RBL2: variants seen among roughly 807,000 people sequenced by gnomAD.
RBL2 encodes retinoblastoma-like protein 2.
RBL2 carries 56 observed loss-of-function variants against 126.0 expected under a neutral mutation model. The ratio of observed to expected loss-of-function variants is 0.44; its 90% CI spans 0.36 to 0.56. The LOEUF (loss-of-function observed/expected upper bound fraction) is 0.56, where lower values mean the gene tolerates loss of function less well. Ranked by LOEUF, RBL2 falls within the 20% of genes least tolerant of loss-of-function variation. The probability of loss-of-function intolerance (pLI) is 0.00; values close to 1 mark genes in which losing one functional copy is unlikely to be tolerated. For missense variants in RBL2, 1,229 were observed against 1,398.2 expected (o/e 0.88, Z 1.93); for synonymous variants, 454 against 478.5 (o/e 0.95, Z 0.67).
Position 53,470,054 on chromosome 16 carries a change from A to G in RBL2, c.2114A>G (p.Asn705Ser), listed in dbSNP as rs1049385796. 3.7e-6 allele frequency: 6 copies of G among 1,614,252 alleles called. No individual in the cohort carries two copies. Among genetic ancestry groups the G allele is most frequent in the South Asian group, 1.1e-5 (1 of 91,090 alleles). The change falls in exon 15 of 22, where the codon AAT becomes AGT. Residue 705 changes from asparagine (N) to serine (S), a missense_variant. This residue lies in a region of RBL2 where 1,070 missense variants were observed against 1,274.3 expected (regional missense o/e 0.84). Transcript: ENST00000262133. ...CGCATGCCCCCACAGCCCCTAGTCA[A>G]TGCTGTCCCTGTGCAGAATGTATCT... ...PGRMPPQPLVNAVPVQNVSGE... is the reference protein window; with the variant it reads ...PGRMPPQPLVSAVPVQNVSGE...
At chr16:53,435,265 C>A (rs1437637371) in intron 1 of RBL2, among the ~76,000 whole-genome samples, 2 of 152,122 alleles carry the variant, frequency 1.3e-5, no homozygotes. Context: ...TTTGCCCTGG[C>A]GTTGCGGGCG....
At chr16:53,487,902 G>A (rs1200079527) in intron 21 of RBL2, 1 of 152,166 alleles carries the variant, frequency 6.6e-6, no homozygotes, top group African/African-American at 2.4e-5. Flanking sequence ...CTGTTAGAAT[G>A]GCTAAAATCC....
At chr16:53,444,419 G>C (rs2058043305) in intron 3 of RBL2, among the ~76,000 whole-genome samples, 2 of 151,906 alleles carry the variant, frequency 1.3e-5, no homozygotes, top group African/African-American at 2.4e-5. Context: ...GGGGTGTGGT[G>C]GTGGGTGCCT....
intron 7 of RBL2, chr16:53,454,308 G>A (rs1242455903): frequency 4.7e-6 from 2 of 422,416 alleles, no homozygotes; most frequent in South Asian, 1.8e-5. Flanking sequence ...AGGTTCAAGC[G>A]ATTCTTCTGC....
chr16:53,451,953 G>A (rs1598098264), intron 5 of RBL2, 122 bp downstream of exon 5: 1 of 1,122,928 alleles, frequency 8.9e-7, no homozygotes, highest in Non-Finnish European at 1.2e-6. Flanking sequence ...GGCTATCCAG[G>A]GTACTTATAA....
At chr16:53,454,931 T>C (rs2058152911) in intron 8 of RBL2, 89 bp downstream of exon 8, 1 of 1,164,020 alleles carries the variant, frequency 8.6e-7, no homozygotes, top group Non-Finnish European at 1.2e-6. Context: ...GTTTGTGTTT[T>C]ACTTGCCTAC....
intron 14 of RBL2, among the ~76,000 whole-genome samples, chr16:53,467,433 G>GC (rs2058282655): frequency 6.6e-6 from 1 of 152,186 alleles, no homozygotes; most frequent in Non-Finnish European, 1.5e-5. Context: ...TGTCACTCAA[G>GC]CTGGAGTGCA....
chr16:53,480,441 A>G (rs1055169820), intron 19 of RBL2, 126 bp from the exon 20 acceptor site: 1 of 768,234 alleles, frequency 1.3e-6, no homozygotes, highest in Non-Finnish European at 2.2e-6. Context: ...TGTGAAGAAC[A>G]GAGTGCCTAT....
chr16:53,461,623 G>A, intron 9 of RBL2, 118 bp from the exon 10 acceptor site: 1 of 607,464 alleles, frequency 1.6e-6, no homozygotes, highest in Middle Eastern at 2.8e-4. Flanking sequence ...TTTGGGAAGT[G>A]TATAGTTTCT....
chr16:53,457,258 C>CCTTT (rs1555566426), intron 8 of RBL2, among the ~76,000 whole-genome samples: 5,215 of 89,794 alleles, frequency 0.058, 937 homozygotes, highest in Non-Finnish European at 0.079. Context: ...GTACAGATAG[C>CCTTT]TTTTTTTTTT....
intron 12 of RBL2, 44 bp from the exon 13 acceptor site, chr16:53,465,394 A>G (rs2058262732): frequency 1.6e-6 from 2 of 1,262,036 alleles, no homozygotes; most frequent in South Asian, 2.5e-5. Context: ...ATATTTAAAA[A>G]TATTTAATAA....
rs1429708810 is a variant in RBL2 at position 53,481,827 on chromosome 16, C to T, written c.3241C>T (p.Pro1081Ser). ...EKIFYYFSNSPSKRLREINSM... is the reference protein window; with the variant it reads ...EKIFYYFSNSSSKRLREINSM... Reference sequence around the variant, plus strand: ...GATTTTCTATTACTTCAGCAACAGTCCTTCAAAGGTGAGCCTAACATCAAT... The same window carrying T: ...GATTTTCTATTACTTCAGCAACAGTTCTTCAAAGGTGAGCCTAACATCAAT... The change falls in exon 21 of 22, where the codon CCT becomes TCT. Residue 1081 changes from proline (P) to serine (S), a missense_variant. Physicochemically the swap from Pro to Ser is moderately conservative, Grantham distance 74. Transcript: ENST00000262133. 1 of 1,579,170 alleles carries T rather than the reference C, an allele frequency of 6.3e-7. No homozygotes were observed. The highest frequency in any genetic ancestry group is 8.7e-7 in the Non-Finnish European group (1 of 1,148,486).
Position 53,490,159 on chromosome 16 carries a change from C to T in RBL2, c.3279C>T (p.Arg1093=), listed in dbSNP as rs1961359766. ...TGAGAGAAATTAATAGTATGATACG[C>T]ACAGGAGAAACTCCTACTAAAAAGA... ...KRLREINSMI[R]TGETPTKKRG... is the part of the protein sequence containing the mutation. The change falls in exon 22 of 22, where the codon CGC becomes CGT. Residue 1093 remains arginine (R), a synonymous_variant. Transcript: ENST00000262133. 3 of 1,609,226 alleles carry T rather than the reference C, an allele frequency of 1.9e-6. No individual in the cohort carries two copies. The South Asian group carries it at 3.3e-5, about 18-fold the overall frequency.
chr16:53,464,372 A>T lies in RBL2; in HGVS notation c.1698+9A>T, dbSNP rs760910067. The T allele has an allele frequency of 1.3e-6, 2 of 1,549,360 alleles. No individual in the cohort carries two copies. Among genetic ancestry groups the T allele is most frequent in the East Asian group, 2.3e-5 (1 of 44,400 alleles). ...TTTATCATTTTTATAAGGTATTTTT[A>T]AAAATATGATACTAATGGGGATATT... On this transcript the variant is annotated intron_variant, in intron 12 of 21. Transcript: ENST00000262133.
intron 18 of RBL2, chr16:53,479,673 G>A: frequency 1.9e-6 from 1 of 514,100 alleles, no homozygotes; most frequent in Non-Finnish European, 3.4e-6. Context: ...CTGCAGTGTA[G>A]TACTGCAGGT....
intron 1 of RBL2, 106 bp from the exon 2 acceptor site, chr16:53,438,910 C>T (rs2057985655): frequency 3.2e-6 from 2 of 629,676 alleles, no homozygotes; most frequent in Non-Finnish European, 4.5e-6. Flanking sequence ...AACTAAGTTT[C>T]CCACAAAAAT....
Position 53,490,402 on chromosome 16 carries a change from C to A in RBL2, c.*102C>A, listed in dbSNP as rs547230574. ...TTTCCTTAATCCAGCTGATGAGTTA[C>A]AGCCTGTTAGTAACATGAGGGGACA... On this transcript the variant is annotated 3_prime_UTR_variant, in exon 22 of 22. Coordinates refer to ENST00000262133, the MANE Select transcript of RBL2 (RefSeq NM_005611.4). 7 of 1,058,014 alleles carry A rather than the reference C, an allele frequency of 6.6e-6. No individual in the cohort carries two copies. In the East Asian group the frequency reaches 1.0e-4, roughly 16 times the overall value. The allele number at this position is 1,058,014 out of a possible 1,614,324, so 65.5% of individuals were successfully genotyped here.
At chr16:53,482,170 C>T (rs1014750874) in intron 21 of RBL2, among the ~76,000 whole-genome samples, 1 of 152,114 alleles carries the variant, frequency 6.6e-6, no homozygotes, top group African/African-American at 2.4e-5. Context: ...TTTTGGATTC[C>T]TTACCAAAGG....
At chr16:53,440,049 A>C (rs2058000132) in intron 2 of RBL2, among the ~76,000 whole-genome samples, 1 of 151,588 alleles carries the variant, frequency 6.6e-6, no homozygotes. Flanking sequence ...TAATCCCAGC[A>C]CTTTTGGAGG....
Sources: allele counts gnomAD v4.1 joint callset (sites outside exome capture counted in the v4.1 genomes callset), GRCh38; gene constraint gnomAD v4.1.1; regional missense constraint gnomAD v4.1.1; transcripts MANE v1.5; gene names NCBI Gene and HGNC (gene_info 2026-07-23, HGNC 2026-07-21).